The following EFCAB6 variants were observed in gnomAD, a reference collection of about 807,000 sequenced individuals.
The protein encoded by EFCAB6 is EF-hand calcium binding domain 6.
In EFCAB6, 156 loss-of-function variants were observed where a neutral mutation model predicts 169.8. The ratio of observed to expected loss-of-function variants is 0.92; its 90% CI spans 0.81 to 1.05. The LOEUF is 1.05. Among genes scored for constraint, EFCAB6 ranks in the 50% least tolerant of loss-of-function variants. The pLI is 0.00. For synonymous variants in EFCAB6, 698 were observed against 676.4 expected, an observed-to-expected ratio of 1.03 and a Z score of -0.50; for missense variants, 1,800 against 1,829.1, an observed-to-expected ratio of 0.98 and a Z score of 0.29.
At chr22:43,589,005 T>C (rs6006696) in intron 24 of EFCAB6, among the ~76,000 whole-genome samples, 100,637 of 151,804 alleles carry the variant, frequency 0.66, 33,421 homozygotes, top group East Asian at 0.78. Context: ...GGGGCTGAGA[T>C]GGTTGGTGGC....
chr22:43,594,134 G>T (rs1388385604), intron 23 of EFCAB6, among the ~76,000 whole-genome samples: 1 of 151,964 alleles, frequency 6.6e-6, no homozygotes, highest in Non-Finnish European at 1.5e-5. Flanking sequence ...AATTAGCCAG[G>T]TGTGGTGGCG....
rs756785912 is a variant in EFCAB6, at chr22:43,628,963, A to G, written c.2233-2284T>C. 6.6e-6 allele frequency among the ~76,000 whole-genome samples: 1 copy of G among 152,222 alleles called. No individual in the cohort carries two copies. The highest frequency in any genetic ancestry group is 1.5e-5 in the Non-Finnish European group (1 of 68,028). Reference sequence around the variant, plus strand: ...CGTCTGTGAGATGGGGCTGCTGGACATGAAGGAGCAGCATTTCCTAGGCAC... The same window carrying G: ...CGTCTGTGAGATGGGGCTGCTGGACGTGAAGGAGCAGCATTTCCTAGGCAC... On this transcript the variant is annotated intron_variant, in intron 19 of 31. Transcript: ENST00000262726. This position sits in a 1 kb window ranked among gnomAD's most constrained non-coding sequence, Gnocchi z 4.8.
At chr22:43,598,441 T>G (rs988630509) in intron 23 of EFCAB6, among the ~76,000 whole-genome samples, 47 of 149,150 alleles carry the variant, frequency 3.2e-4, no homozygotes, top group Non-Finnish European at 4.4e-5. Flanking sequence ...ATAAGAGAAG[T>G]TGGATAAGGG....
In EFCAB6 at chr22:43,572,617, G is replaced by A. The variant is rs765413483; in HGVS notation, c.3420+3680C>T. 5.3e-5 allele frequency among the ~76,000 whole-genome samples: 8 copies of A among 152,246 alleles called. No individual in the cohort carries two copies. Among genetic ancestry groups the A allele is most frequent in the East Asian group, 1.9e-4 (1 of 5,172 alleles). On this transcript the variant is annotated intron_variant, in intron 26 of 31. Coordinates refer to ENST00000262726, the MANE Select transcript of EFCAB6 (RefSeq NM_022785.4). This position sits in a 1 kb window ranked among gnomAD's most constrained non-coding sequence, Gnocchi z 4.0. ...TTGGCCCCTTCCTGTGGATGCCATC[G>A]CACTAGCAGTGCCGGCCAGTCCCTT...
rs2055303276 is a variant in EFCAB6 at position 43,635,281 on chromosome 22, C to T, written c.1984-65G>A. Reference sequence around the variant, plus strand: ...GGTCCGCGGGTCACTACTCCCAGAGCACCTCCTGCCCCTGTGCTGGCTCAC... The same window carrying T: ...GGTCCGCGGGTCACTACTCCCAGAGTACCTCCTGCCCCTGTGCTGGCTCAC... On this transcript the variant is annotated intron_variant, in intron 17 of 31. Transcript: ENST00000262726. 19 of 1,141,360 alleles carry T rather than the reference C, an allele frequency of 1.7e-5. No homozygotes were observed. In the Admixed American group the frequency reaches 2.2e-4, roughly 13 times the overall value. The allele number at this position is 1,141,360 out of a possible 1,614,324, so 70.7% of individuals were successfully genotyped here. A position where few individuals can be genotyped will look rare whatever the true frequency, so the allele number is the denominator to read the frequency against.
rs563852632 is a variant in EFCAB6, at chr22:43,573,038, C to T, written c.3420+3259G>A. On this transcript the variant is annotated intron_variant, in intron 26 of 31. Coordinates refer to ENST00000262726, the MANE Select transcript of EFCAB6 (RefSeq NM_022785.4). ...CAGGAGAGAACAGGCCAGGGGACCC[C>T]GGAGGTGAGGCCAGCGGAGCTGGAA... 1.3e-3 allele frequency among the ~76,000 whole-genome samples: 200 copies of T among 152,312 alleles called. 1 individual carries two copies. The highest frequency in any genetic ancestry group is 2.1e-3 in the Non-Finnish European group (140 of 68,022).
Position 43,540,161 on chromosome 22 carries a change from A to G in EFCAB6, c.3845T>C (p.Leu1282Pro). ...RSALSLPTQE[L>P]RPGSKSQSHP... Reference sequence around the variant, plus strand: ...GCTCTGCGACTTTGACCCTGGTCTCAGCTCCTGAGTGGGCAATGAGAGGGC... The same window carrying G: ...GCTCTGCGACTTTGACCCTGGTCTCGGCTCCTGAGTGGGCAATGAGAGGGC... Residue 1282 changes from leucine to proline, a missense_variant, in exon 28 of 32, where the codon CTG becomes CCG. Physicochemically the swap from Leu to Pro is moderately conservative, Grantham distance 98. Coordinates refer to ENST00000262726, the MANE Select transcript of EFCAB6 (RefSeq NM_022785.4). 1 of 1,614,184 alleles carries G rather than the reference A, an allele frequency of 6.2e-7. No homozygotes were observed. The highest frequency in any genetic ancestry group is 8.5e-7 in the Non-Finnish European group (1 of 1,180,020).
At chr22:43,713,831 A>C (rs1287995090) in intron 9 of EFCAB6, among the ~76,000 whole-genome samples, 1 of 152,244 alleles carries the variant, frequency 6.6e-6, no homozygotes, top group African/African-American at 2.4e-5. Context: ...AATATGAGTG[A>C]ATCTCATCTT....
chr22:43,711,520 A>G lies in EFCAB6; in HGVS notation c.986T>C (p.Phe329Ser). The change falls in exon 10 of 32, where the codon TTT (phenylalanine) becomes TCT (serine). Residue 329 changes from phenylalanine to serine, a missense_variant. By Grantham distance (155) the Phe-to-Ser change is radical (BLOSUM62 -2). Transcript: ENST00000262726. ...AATTCTTCTTGGTATTTGGTATACA[A>G]AAGTGTCGAGGACAATCTTTAGATA... ...FNYLKIVLDT[F>S]VYQIPRRIFI... is the part of the protein sequence containing the mutation. The G allele has an allele frequency of 6.2e-7, 1 of 1,604,334 alleles. No individual in the cohort carries two copies.
At chr22:43,701,204 A>C (rs555322317) in intron 10 of EFCAB6, among the ~76,000 whole-genome samples, 7 of 152,292 alleles carry the variant, frequency 4.6e-5, no homozygotes, top group African/African-American at 1.7e-4. Context: ...AGAGAAACAC[A>C]GTGCTACCCA....
chr22:43,796,647 G>A (rs975864338), intron 2 of EFCAB6, among the ~76,000 whole-genome samples: 3 of 151,814 alleles, frequency 2.0e-5, no homozygotes, highest in South Asian at 2.1e-4. Context: ...AGTTGCACTC[G>A]AAGCCTTTTA....
At chr22:43,714,058 T>G (rs890427424) in intron 9 of EFCAB6, among the ~76,000 whole-genome samples, 1 of 152,118 alleles carries the variant, frequency 6.6e-6, no homozygotes, top group African/African-American at 2.4e-5. Flanking sequence ...AATGATAAAA[T>G]AACTTTTTAG....
intron 17 of EFCAB6, among the ~76,000 whole-genome samples, chr22:43,640,026 T>C (rs1005004605): frequency 4.6e-5 from 7 of 152,324 alleles, no homozygotes; most frequent in African/African-American, 7.2e-5. Context: ...TGAGATTTCA[T>C]ATATTTTCAT....
chr22:43,735,055 G>T (rs2060081956), intron 7 of EFCAB6, among the ~76,000 whole-genome samples: 1 of 152,194 alleles, frequency 6.6e-6, no homozygotes, highest in Non-Finnish European at 1.5e-5. Context: ...GGCACGAAGA[G>T]GGAATGGACC....
intron 8 of EFCAB6, among the ~76,000 whole-genome samples, chr22:43,727,672 C>T (rs144969869): frequency 1.5e-3 from 229 of 152,238 alleles, no homozygotes; most frequent in African/African-American, 5.4e-3. Flanking sequence ...ATACACTGCA[C>T]ATGAATTACT....
At chr22:43,784,631 A>ATATATACACATATATG (rs2061988483) in intron 2 of EFCAB6, among the ~76,000 whole-genome samples, 1 of 42,372 alleles carries the variant, frequency 2.4e-5, no homozygotes. Context: ...ACACATATAT[A>ATATATACACATATATG]TGTATATGTA....
chr22:43,782,760 A>T (rs1320590865), intron 2 of EFCAB6, among the ~76,000 whole-genome samples: 1 of 152,236 alleles, frequency 6.6e-6, no homozygotes, highest in East Asian at 1.9e-4. Context: ...CTCCTTCATT[A>T]AATCAATGAG....
chr22:43,568,239 A>T (rs1180639140), intron 26 of EFCAB6, among the ~76,000 whole-genome samples: 1 of 152,188 alleles, frequency 6.6e-6, no homozygotes, highest in Non-Finnish European at 1.5e-5. Flanking sequence ...CCAGTGCAGC[A>T]TCCTGAGCCA....
chr22:43,591,448 C>T (rs2051544955), intron 23 of EFCAB6, among the ~76,000 whole-genome samples: 1 of 143,606 alleles, frequency 7.0e-6, no homozygotes, highest in Admixed American at 7.1e-5. Flanking sequence ...CAGAGCAAGA[C>T]TCTGTCTTAT....
Sources: allele counts gnomAD v4.1 joint callset (sites outside exome capture counted in the v4.1 genomes callset), GRCh38; gene constraint gnomAD v4.1.1; non-coding constraint Gnocchi (gnomAD v3.1); transcripts MANE v1.5; gene names NCBI Gene and HGNC (gene_info 2026-07-23, HGNC 2026-07-21).